Variants in EFHC2 observed in about 807,000 individuals in gnomAD.
EFHC2 encodes EF-hand domain containing 2.
A neutral mutation model predicts 52.7 loss-of-function variants in EFHC2; 18 were observed. The ratio of observed to expected loss-of-function variants is 0.34; its 90% CI spans 0.24 to 0.51. The LOEUF (loss-of-function observed/expected upper bound fraction) is 0.51. EFHC2 is among the 20% of genes least tolerant of loss of function. The probability of loss-of-function intolerance (pLI) is 0.97; values close to 1 mark genes in which losing one functional copy is unlikely to be tolerated. For missense variants in EFHC2, 513 were observed against 562.5 expected, an observed-to-expected ratio of 0.91 and a Z score of 0.89; for synonymous variants, 203 against 204.1, an observed-to-expected ratio of 0.99 and a Z score of 0.04.
At chrX:44,280,749 T>G (rs1202956418) in intron 2 of EFHC2, among the ~76,000 whole-genome samples, 1 of 111,799 alleles carries the variant, frequency 8.9e-6, no homozygotes, top group Non-Finnish European at 1.9e-5. Context: ...ACAAAATACT[T>G]AAAAATAGTT....
chrX:44,323,258 A>G (rs1337633586), intron 1 of EFHC2, among the ~76,000 whole-genome samples: 3 of 112,419 alleles, frequency 2.7e-5, no homozygotes. Context: ...GAAACATTCA[A>G]CATTTAACAC....
At chrX:44,277,177 T>C (rs1289251973) in intron 2 of EFHC2, among the ~76,000 whole-genome samples, 3 of 102,592 alleles carry the variant, frequency 2.9e-5, no homozygotes, top group Non-Finnish European at 5.8e-5. Flanking sequence ...GAGAATGGCA[T>C]GAACCTGGGA....
At chrX:44,223,563 C>G (rs1220687185) in intron 11 of EFHC2, among the ~76,000 whole-genome samples, 1 of 110,859 alleles carries the variant, frequency 9.0e-6, no homozygotes, top group East Asian at 2.8e-4. Flanking sequence ...AAGCCCTCAC[C>G]AATACAAACA....
chrX:44,159,990 C>G (rs1193741460), intron 14 of EFHC2, among the ~76,000 whole-genome samples: 1 of 112,618 alleles, frequency 8.9e-6, no homozygotes, highest in Non-Finnish European at 1.9e-5. Context: ...CTATTCTTAT[C>G]ACCATTTTTG....
At chrX:44,192,840 T>C (rs1251102584) in intron 11 of EFHC2, among the ~76,000 whole-genome samples, 1 of 105,995 alleles carries the variant, frequency 9.4e-6, no homozygotes, top group Non-Finnish European at 2.0e-5. Context: ...CTTCTCAAAA[T>C]GGCTTGCTCC....
At chrX:44,331,120 A>G (rs2038083879) in intron 1 of EFHC2, among the ~76,000 whole-genome samples, 1 of 112,219 alleles carries the variant, frequency 8.9e-6, no homozygotes, top group African/African-American at 3.2e-5. Flanking sequence ...GCTAAAAACT[A>G]GAAATAGCCC....
At chrX:44,308,603 T>A (rs1254463593) in intron 2 of EFHC2, among the ~76,000 whole-genome samples, 4 of 110,769 alleles carry the variant, frequency 3.6e-5, no homozygotes, top group Non-Finnish European at 7.5e-5. Context: ...CCCACAACAC[T>A]CTACTCAGAG....
intron 4 of EFHC2, 114 bp downstream of exon 4, chrX:44,260,961 C>T: frequency 1.6e-6 from 1 of 624,268 alleles, no homozygotes; most frequent in South Asian, 3.1e-5. Context: ...ACTGGAATAA[C>T]TATGGCTCTA....
At chrX:44,166,247 T>C (rs2036695573) in intron 13 of EFHC2, among the ~76,000 whole-genome samples, 1 of 111,489 alleles carries the variant, frequency 9.0e-6, no homozygotes, top group African/African-American at 3.3e-5. Flanking sequence ...GTGGTGGCAC[T>C]GGAAGGCAGT....
chrX:44,180,909 A>G (rs2036829643), intron 11 of EFHC2, among the ~76,000 whole-genome samples: 1 of 97,247 alleles, frequency 1.0e-5, no homozygotes, highest in Non-Finnish European at 2.1e-5. Context: ...TCAGGGCAAC[A>G]TAGTGAGAAC....
rs754559012 is a variant in EFHC2, at chrX:44,151,535, C to A, written c.2149-2639G>T. Among the ~76,000 whole-genome samples the A allele has an allele frequency of 2.7e-5, 3 of 111,454 alleles. No homozygotes were observed. The East Asian group carries it at 8.5e-4, about 32-fold the overall frequency. On this transcript the variant is annotated intron_variant, in intron 14 of 14. Transcript: ENST00000420999. Reference sequence around the variant, plus strand: ...TTGGCTTGTAAGCACATCACTCCAACGTCTGCCTCCAACTTCACATGGTGT... The same window carrying A: ...TTGGCTTGTAAGCACATCACTCCAAAGTCTGCCTCCAACTTCACATGGTGT...
chrX:44,230,556 T>C (rs1337911389), intron 10 of EFHC2, among the ~76,000 whole-genome samples: 1 of 111,146 alleles, frequency 9.0e-6, no homozygotes, highest in Non-Finnish European at 1.9e-5. Flanking sequence ...CAGGATCTAT[T>C]AGCTCTTTTG....
At chrX:44,229,139 G>A (rs1482155584) in intron 11 of EFHC2, among the ~76,000 whole-genome samples, 1 of 111,807 alleles carries the variant, frequency 8.9e-6, no homozygotes, top group Non-Finnish European at 1.9e-5. Flanking sequence ...TTTTTCCCTC[G>A]ATTCCTATAT....
rs185056993 is a variant in EFHC2, at chrX:44,182,405, G to T, written c.1752-3841C>A. On this transcript the variant is annotated intron_variant, in intron 11 of 14. Coordinates refer to ENST00000420999, the MANE Select transcript of EFHC2 (RefSeq NM_025184.4). ...GTGAATAGTGCTGCTATGAAAATCTGTGTACAAGTTTTGTGTAAACACCTG... is the reference window on the plus strand; with the variant it reads ...GTGAATAGTGCTGCTATGAAAATCTTTGTACAAGTTTTGTGTAAACACCTG... Among the ~76,000 whole-genome samples the T allele has an allele frequency of 4.4e-5, 5 of 112,473 alleles. No homozygotes were observed. The Admixed American group carries it at 4.7e-4, about 11-fold the overall frequency.
chrX:44,206,368 A>T (rs189223978), intron 11 of EFHC2, among the ~76,000 whole-genome samples: 2 of 111,597 alleles, frequency 1.8e-5, no homozygotes, highest in Non-Finnish European at 3.8e-5. Context: ...AGGGCAATCA[A>T]GCAAGAGAAA....
At chrX:44,321,760 C>T (rs758545981) in intron 1 of EFHC2, among the ~76,000 whole-genome samples, 6 of 111,678 alleles carry the variant, frequency 5.4e-5, no homozygotes, top group East Asian at 2.8e-4. Context: ...GTGACCTTGA[C>T]GAGAATGGTT....
intron 14 of EFHC2, among the ~76,000 whole-genome samples, chrX:44,154,502 A>G (rs2036592565): frequency 9.1e-6 from 1 of 109,463 alleles, no homozygotes; most frequent in Non-Finnish European, 1.9e-5. Context: ...GGACTTCTGA[A>G]CCAGCCTGGT....
At chrX:44,338,728 C>CA (rs72214962) in intron 1 of EFHC2, among the ~76,000 whole-genome samples, 3,210 of 90,274 alleles carry the variant, frequency 0.036, 112 homozygotes, top group African/African-American at 0.1. Flanking sequence ...TTTTCCTTTT[C>CA]AAAAAAAAAA....
chrX:44,309,532 T>C, intron 2 of EFHC2: 1 of 1,202,671 alleles, frequency 8.3e-7, no homozygotes, highest in Non-Finnish European at 1.1e-6. Flanking sequence ...TAGAGTGCAA[T>C]TCATCCCAAT....
Sources: gnomAD v4.1 joint callset for allele counts (sites outside exome capture counted in the v4.1 genomes callset) on GRCh38, gnomAD v4.1.1 for gene constraint, MANE v1.5 for transcripts, NCBI Gene and HGNC (gene_info 2026-07-23, HGNC 2026-07-21) for gene names.